DCHS2: variants seen among roughly 807,000 people sequenced by gnomAD.
DCHS2 encodes protocadherin-23.
In DCHS2, 142 loss-of-function variants were observed where a neutral mutation model predicts 182.4. That is an observed-to-expected ratio of 0.78 (90% confidence interval 0.68 to 0.89). The LOEUF is 0.89. Among genes scored for constraint, DCHS2 ranks in the 40% least tolerant of loss-of-function variants. The pLI, the probability that DCHS2 is intolerant of heterozygous loss-of-function variation, is 0.00. For missense variants in DCHS2, 4,319 were observed against 4,198.6 expected (o/e 1.03, Z -0.79); for synonymous variants, 1,740 against 1,663.3 (o/e 1.05, Z -1.12).
chr4:154,469,031 C>T (rs987428840), intron 1 of DCHS2, among the ~76,000 whole-genome samples: 2 of 152,038 alleles, frequency 1.3e-5, no homozygotes, highest in South Asian at 4.1e-4. Flanking sequence ...TCAAGTTGTA[C>T]ACCTTAAATA....
At chr4:154,238,585 A>G (rs1034594582) in intron 19 of DCHS2, among the ~76,000 whole-genome samples, 1 of 152,250 alleles carries the variant, frequency 6.6e-6, no homozygotes, top group Admixed American at 6.5e-5. Flanking sequence ...AAGGCATTTC[A>G]CAACCACGAA....
intron 1 of DCHS2, among the ~76,000 whole-genome samples, chr4:154,482,521 T>C (rs1022158844): frequency 1.3e-5 from 2 of 152,158 alleles, no homozygotes; most frequent in African/African-American, 4.8e-5. Context: ...GGCCAATAGG[T>C]AGCAGACATC....
chr4:154,444,141 G>A (rs2101591), intron 1 of DCHS2, among the ~76,000 whole-genome samples: 148,875 of 152,132 alleles, frequency 0.98, 72,917 homozygotes, highest in Middle Eastern at 1. Flanking sequence ...CGCACTGGTG[G>A]TGGGGCCCAA....
Position 154,445,738 on chromosome 4 carries a change from G to T in DCHS2, c.2052+43566C>A, listed in dbSNP as rs189010921. ...AAGTGGGAGGATTACTTGAGCCTAG[G>T]AGTTCTAGGCTGCAGTGAGCTGTGA... On this transcript the variant is annotated intron_variant, in intron 1 of 19. Coordinates refer to ENST00000357232, the MANE Select transcript of DCHS2 (RefSeq NM_001358235.2). Among the ~76,000 whole-genome samples the T allele has an allele frequency of 4.4e-3, 674 of 151,556 alleles. 4 individuals carry two copies. Among genetic ancestry groups the T allele is most frequent in the Non-Finnish European group, 6.4e-3 (437 of 67,914 alleles).
At chr4:154,394,663 T>C (rs1377407448) in intron 1 of DCHS2, among the ~76,000 whole-genome samples, 2 of 152,228 alleles carry the variant, frequency 1.3e-5, no homozygotes, top group East Asian at 3.8e-4. Flanking sequence ...CTGACCATGC[T>C]TGATGCATTG....
intron 1 of DCHS2, among the ~76,000 whole-genome samples, chr4:154,379,934 G>T (rs1414105189): frequency 1.3e-5 from 2 of 152,088 alleles, no homozygotes; most frequent in Admixed American, 6.6e-5. Context: ...AAGACATTTA[G>T]TATGTCTAGA....
chr4:154,372,675 T>C (rs1730697176), intron 2 of DCHS2, among the ~76,000 whole-genome samples: 1 of 152,214 alleles, frequency 6.6e-6, no homozygotes. Flanking sequence ...AATTAAATTG[T>C]AGAGCTTTCT....
chr4:154,323,034 T>C lies in DCHS2; in HGVS notation c.4019-546A>G, dbSNP rs78877190. 1,122 of 630,504 alleles carry C rather than the reference T, an allele frequency of 1.8e-3. 15 individuals carry two copies. In the African/African-American group the frequency reaches 0.018, roughly 10 times the overall value. The allele number at this position is 630,504 out of a possible 1,614,324, so 39.1% of individuals were successfully genotyped here. ...TTAAGATCAAAATAAAGTCCATATA[T>C]TGCATATTTCTTTAATCTATGGATT... On this transcript the variant is annotated intron_variant, in intron 7 of 19. Transcript: ENST00000357232.
At chr4:154,258,696 G>A (rs1218046348) in intron 15 of DCHS2, among the ~76,000 whole-genome samples, 4 of 151,920 alleles carry the variant, frequency 2.6e-5, no homozygotes, top group Non-Finnish European at 5.9e-5. Flanking sequence ...TGAGGTGAAG[G>A]TGTCTGCACA....
chr4:154,263,143 T>C (rs1026206584), intron 14 of DCHS2, among the ~76,000 whole-genome samples: 1 of 152,176 alleles, frequency 6.6e-6, no homozygotes, highest in Non-Finnish European at 1.5e-5. Flanking sequence ...TGATTTATTA[T>C]ACATATCAGT....
intron 1 of DCHS2, among the ~76,000 whole-genome samples, chr4:154,410,549 A>G (rs1257540939): frequency 7.3e-6 from 1 of 137,060 alleles, no homozygotes; most frequent in Non-Finnish European, 1.5e-5. Flanking sequence ...TAATCCCAGT[A>G]CTTTGACAGA....
chr4:154,374,110 A>T, intron 2 of DCHS2: 2 of 629,448 alleles, frequency 3.2e-6, no homozygotes, highest in Non-Finnish European at 5.3e-6. Context: ...CTTCTGGAGC[A>T]CTGTGCTTTC....
chr4:154,366,337 C>G lies in DCHS2; in HGVS notation c.2349G>C (p.Glu783Asp). ...PSTYVTSISD[E>D]TQPGTEIINV... is the part of the protein sequence containing the mutation. ...TGATGATCTCGGTGCCTGGCTGGGT[C>G]TCATCACTGATGCTCGTCACATAGG... Residue 783 changes from glutamate (E) to aspartate (D), a missense_variant, in exon 3 of 20, where the codon GAG (glutamate) becomes GAC (aspartate). Transcript: ENST00000357232. 6.2e-7 allele frequency: 1 copy of G among 1,613,738 alleles called. No individual in the cohort carries two copies. Among genetic ancestry groups the G allele is most frequent in the South Asian group, 1.1e-5 (1 of 91,056 alleles).
Position 154,366,342 on chromosome 4 carries a change from C to G in DCHS2, c.2344G>C (p.Asp782His). ...NPSTYVTSISDETQPGTEIIN... is the reference protein window; with the variant it reads ...NPSTYVTSISHETQPGTEIIN... ...ATCTCGGTGCCTGGCTGGGTCTCAT[C>G]ACTGATGCTCGTCACATAGGTTGAT... Residue 782 changes from aspartate (D) to histidine (H), a missense_variant, in exon 3 of 20, where the codon GAT (aspartate) becomes CAT (histidine). Physicochemically the swap from Asp to His is moderately conservative, Grantham distance 81 (BLOSUM62 -1). Coordinates refer to ENST00000357232, the MANE Select transcript of DCHS2 (RefSeq NM_001358235.2). The G allele has an allele frequency of 6.2e-7, 1 of 1,613,756 alleles. No homozygotes were observed. The highest frequency in any genetic ancestry group is 8.5e-7 in the Non-Finnish European group (1 of 1,179,886).
intron 1 of DCHS2, among the ~76,000 whole-genome samples, chr4:154,456,090 A>C (rs1014191802): frequency 6.9e-6 from 1 of 145,680 alleles, no homozygotes; most frequent in South Asian, 2.1e-4. Context: ...ACTCCATTTA[A>C]AAAAAAAAAA....
rs182937079 is a variant in DCHS2, at chr4:154,298,143, A to G, written c.6171T>C (p.Thr2057=). The change falls in exon 13 of 20, where the codon ACT becomes ACC. Residue 2057 remains threonine, a synonymous_variant. Transcript: ENST00000357232. ...LSPESPTNQT[T]VIVRADDLDL... ...CCAGGTCATCAGCTCTCACAATGAC[A>G]GTTGTCTGGTTTGTAGGCGACTCGG... is the stretch of plus-strand genomic sequence containing the variant. 6.2e-7 allele frequency: 1 copy of G among 1,614,154 alleles called. No individual in the cohort carries two copies. Among genetic ancestry groups the G allele is most frequent in the Non-Finnish European group, 8.5e-7 (1 of 1,180,024 alleles).
At chr4:154,270,139 C>T in intron 13 of DCHS2, 126 bp from the exon 14 acceptor site, 1 of 1,201,474 alleles carries the variant, frequency 8.3e-7, no homozygotes. Context: ...TCAACAATAA[C>T]TTATTGTCTT....
chr4:154,348,396 G>T (rs531721802), intron 3 of DCHS2, among the ~76,000 whole-genome samples: 1 of 151,962 alleles, frequency 6.6e-6, no homozygotes, highest in African/African-American at 2.4e-5. Flanking sequence ...GGCAATAATT[G>T]AGAAAAGAAT....
intron 2 of DCHS2, among the ~76,000 whole-genome samples, chr4:154,372,335 T>C (rs1025091368): frequency 6.6e-6 from 1 of 152,240 alleles, no homozygotes; most frequent in Non-Finnish European, 1.5e-5. Context: ...TGTGCCTTTT[T>C]ACTCAGCAAG....
Sources: gnomAD v4.1 joint callset for allele counts (sites outside exome capture counted in the v4.1 genomes callset) on GRCh38, gnomAD v4.1.1 for gene constraint, MANE v1.5 for transcripts, NCBI Gene and HGNC (gene_info 2026-07-23, HGNC 2026-07-21) for gene names.